Variants in EZH2 observed in about 807,000 individuals in gnomAD.
EZH2 encodes the protein histone-lysine N-methyltransferase EZH2.
Under a neutral mutation model 98.4 loss-of-function variants are expected in EZH2, and 18 were observed. The observed-to-expected ratio is 0.18, with a 90% CI of 0.13 to 0.27. The LOEUF is 0.27. Ranked by LOEUF, EZH2 falls within the 10% of genes least tolerant of loss-of-function variation. The probability of loss-of-function intolerance (pLI) is 1.00; values close to 1 mark genes in which losing one functional copy is unlikely to be tolerated. For synonymous variants in EZH2, 338 were observed against 312.3 expected (o/e 1.08, Z -0.87); for missense variants, 470 against 935.1 (o/e 0.50, Z 6.49).
intron 1 of EZH2, among the ~76,000 whole-genome samples, chr7:148,871,825 C>A (rs369261774): frequency 6.6e-6 from 1 of 152,016 alleles, no homozygotes; most frequent in African/African-American, 2.4e-5. Flanking sequence ...TCCTCCCACC[C>A]CAGCCTCCCA....
intron 19 of EZH2, among the ~76,000 whole-genome samples, chr7:148,808,428 C>T (rs1047842815): frequency 7.9e-5 from 12 of 152,204 alleles, no homozygotes; most frequent in Non-Finnish European, 1.0e-4. Flanking sequence ...TACAGGAGTT[C>T]ATTAACTAGA....
intron 8 of EZH2, among the ~76,000 whole-genome samples, chr7:148,824,329 A>C (rs1234301239): frequency 6.8e-6 from 1 of 147,210 alleles, no homozygotes; most frequent in Admixed American, 6.8e-5. Context: ...AAAAAAAAAA[A>C]CAACAACAAC....
intron 9 of EZH2, among the ~76,000 whole-genome samples, chr7:148,819,313 T>C (rs993122389): frequency 6.6e-5 from 10 of 152,210 alleles, no homozygotes; most frequent in Non-Finnish European, 1.3e-4. Flanking sequence ...GCCTTGCAAC[T>C]CTCATAGACT....
At chr7:148,849,518 A>C (rs917529463) in intron 1 of EZH2, among the ~76,000 whole-genome samples, 25 of 152,326 alleles carry the variant, frequency 1.6e-4, no homozygotes, top group African/African-American at 5.8e-4. Context: ...GAAATCACCA[A>C]GATAGAACTA....
intron 17 of EZH2, among the ~76,000 whole-genome samples, 194 bp from the exon 18 acceptor site, chr7:148,809,584 C>G (rs1233832306): frequency 6.6e-6 from 1 of 151,832 alleles, no homozygotes; most frequent in Non-Finnish European, 1.5e-5. Flanking sequence ...AAATTAATCA[C>G]CTATAATTCA....
intron 1 of EZH2, among the ~76,000 whole-genome samples, chr7:148,858,007 T>C (rs960464225): frequency 2.1e-5 from 3 of 144,384 alleles, no homozygotes; most frequent in Non-Finnish European, 3.0e-5. Context: ...AAAAAACAGG[T>C]AGTGGCCAGG....
chr7:148,835,009 G>T (rs989326798), intron 3 of EZH2, among the ~76,000 whole-genome samples: 13 of 152,166 alleles, frequency 8.5e-5, no homozygotes, highest in African/African-American at 2.9e-4. Flanking sequence ...TTAAAACCTG[G>T]ATTTAAAGTC....
Position 148,809,304 on chromosome 7 carries a change from A to G in EZH2, c.2110+6T>C, listed in dbSNP as rs41277434. On this transcript the variant is annotated splice_donor_region_variant and intron_variant, in intron 18 of 19. Transcript: ENST00000320356. ...GAGTTCCAATTCTCACGTCAAAGGT[A>G]CCTACCTTTTGCATAGCAGTTTGGA... The G allele has an allele frequency of 6.2e-7, 1 of 1,600,728 alleles. No homozygotes were observed.
In EZH2 at chr7:148,815,089, C is replaced by T. The variant is rs368681491; in HGVS notation, c.1547-50G>A. The T allele has an allele frequency of 7.7e-5, 123 of 1,594,798 alleles. 2 individuals are homozygous for T. The African/African-American group carries it at 1.4e-3, about 18-fold the overall frequency. ...GCCAATGAATCCAGGGAGATGGAAA[C>T]GATCATACACAATTAACACGAGTAC... On this transcript the variant is annotated intron_variant, in intron 13 of 19. Transcript: ENST00000320356.
chr7:148,848,743 G>A (rs1814873015), intron 1 of EZH2, among the ~76,000 whole-genome samples: 1 of 152,132 alleles, frequency 6.6e-6, no homozygotes. Context: ...TGCCCCTATG[G>A]AGCTGATAGT....
intron 2 of EZH2, 39 bp downstream of exon 2, chr7:148,847,143 T>A: frequency 6.3e-7 from 1 of 1,582,844 alleles, no homozygotes; most frequent in Non-Finnish European, 8.5e-7. Flanking sequence ...AAACCTATCC[T>A]TAATTGTATA....
At chr7:148,820,052 A>C (rs1470919079) in intron 8 of EZH2, among the ~76,000 whole-genome samples, 1 of 152,226 alleles carries the variant, frequency 6.6e-6, no homozygotes, top group Non-Finnish European at 1.5e-5. Context: ...CAGATTTCCT[A>C]TTTTTAATTC....
chr7:148,827,930 A>C (rs1215288755), intron 6 of EZH2, among the ~76,000 whole-genome samples: 3 of 152,244 alleles, frequency 2.0e-5, no homozygotes, highest in African/African-American at 4.8e-5. Context: ...ATCCTGGCTA[A>C]CACGGTGAAA....
intron 1 of EZH2, among the ~76,000 whole-genome samples, chr7:148,853,682 A>C (rs1437197570): frequency 6.6e-6 from 1 of 152,230 alleles, no homozygotes; most frequent in African/African-American, 2.4e-5. Flanking sequence ...TAGTTGTTAA[A>C]CTATTATGTT....
intron 3 of EZH2, among the ~76,000 whole-genome samples, chr7:148,839,241 A>G (rs1319998794): frequency 2.0e-5 from 3 of 152,174 alleles, no homozygotes; most frequent in African/African-American, 7.2e-5. Flanking sequence ...CAAGTTTACA[A>G]CTGCCCCTCA....
At chr7:148,833,435 C>T (rs1433688665) in intron 3 of EZH2, among the ~76,000 whole-genome samples, 1 of 147,530 alleles carries the variant, frequency 6.8e-6, no homozygotes, top group Admixed American at 6.8e-5. Context: ...CCAGCCTGGG[C>T]GACAGAGCGA....
intron 1 of EZH2, among the ~76,000 whole-genome samples, chr7:148,865,125 CAAAAAA>C (rs201434328): frequency 1.1e-5 from 1 of 92,382 alleles, no homozygotes. Flanking sequence ...AGACTTGTCT[CAAAAAA>C]AAAAAAAAAA....
chr7:148,837,613 T>C (rs751019933), intron 3 of EZH2, among the ~76,000 whole-genome samples: 2 of 152,124 alleles, frequency 1.3e-5, no homozygotes, highest in Non-Finnish European at 2.9e-5. Context: ...AATAGCAAAT[T>C]TGGATAAAGT....
intron 1 of EZH2, among the ~76,000 whole-genome samples, chr7:148,861,198 T>G (rs187224290): frequency 9.1e-4 from 138 of 151,764 alleles, no homozygotes; most frequent in African/African-American, 3.2e-3. Flanking sequence ...AAATGTTATA[T>G]AAATCCTTGT....
Sources: gnomAD v4.1 joint callset for allele counts (sites outside exome capture counted in the v4.1 genomes callset) on GRCh38, gnomAD v4.1.1 for gene constraint, MANE v1.5 for transcripts, NCBI Gene and HGNC (gene_info 2026-07-23, HGNC 2026-07-21) for gene names.